Variants in LRP2 observed in about 807,000 individuals in gnomAD.
LRP2 encodes low-density lipoprotein receptor-related protein 2.
A neutral mutation model predicts 531.0 loss-of-function variants in LRP2; 172 were observed. The observed-to-expected ratio is 0.32, with a 90% confidence interval of 0.29 to 0.37. The LOEUF is 0.37. LRP2 is among the 10% of genes least tolerant of loss of function. The probability of loss-of-function intolerance (pLI) is 1.00; values close to 1 mark genes in which losing one functional copy is unlikely to be tolerated. For missense variants in LRP2, 5,167 were observed against 5,868.3 expected (o/e 0.88, Z 3.90); for synonymous variants, 1,992 against 2,027.6 (o/e 0.98, Z 0.47).
At chr2:169,286,727 G>A (rs1175551913) in intron 9 of LRP2, among the ~76,000 whole-genome samples, 1 of 152,166 alleles carries the variant, frequency 6.6e-6, no homozygotes, top group Non-Finnish European at 1.5e-5. Flanking sequence ...TCACAAGACT[G>A]AATTAGCGAT....
intron 51 of LRP2, among the ~76,000 whole-genome samples, chr2:169,181,875 T>C (rs2105295348): frequency 6.6e-6 from 1 of 152,074 alleles, no homozygotes; most frequent in South Asian, 2.1e-4. Flanking sequence ...ACTTCGAGAG[T>C]CCAGTAAAGA....
intron 45 of LRP2, 115 bp downstream of exon 45, chr2:169,198,671 G>T: frequency 1.6e-6 from 2 of 1,247,744 alleles, no homozygotes; most frequent in Non-Finnish European, 2.3e-6. Context: ...TACTTAGAAG[G>T]TCAATGTGAA....
At chr2:169,139,646 T>C (rs767559481) in intron 72 of LRP2, 36 bp from the exon 73 acceptor site, 16 of 1,587,736 alleles carry the variant, frequency 1.0e-5, no homozygotes, top group Middle Eastern at 1.7e-4. Flanking sequence ...CTAGCTGTTA[T>C]GTTCTTAGGC....
chr2:169,170,304 G>A (rs1319214177), intron 59 of LRP2, among the ~76,000 whole-genome samples: 1 of 152,146 alleles, frequency 6.6e-6, no homozygotes, highest in Non-Finnish European at 1.5e-5. Context: ...CTCCTAAGAA[G>A]TGTTGATATT....
chr2:169,260,066 C>T (rs2105413538), intron 16 of LRP2, among the ~76,000 whole-genome samples: 1 of 152,178 alleles, frequency 6.6e-6, no homozygotes, highest in Non-Finnish European at 1.5e-5. Context: ...ATTCATCCAT[C>T]CTCACAGCCA....
At chr2:169,299,086 GGAAAGAAAGAAAGAAA>G (rs767873350) in intron 4 of LRP2, among the ~76,000 whole-genome samples, 2,201 of 25,122 alleles carry the variant, frequency 0.088, 43 homozygotes, top group African/African-American at 0.095. Context: ...AAAGAAAGAA[GGAAAGAAAGAAAGAAA>G]GAAAGAAAGA....
In LRP2 at chr2:169,247,004, C is replaced by A. The variant is rs747149109; in HGVS notation, c.2909-18G>T. 12 of 1,613,156 alleles carry A rather than the reference C, an allele frequency of 7.4e-6. No homozygotes were observed. The highest frequency in any genetic ancestry group is 2.2e-5 in the South Asian group (2 of 91,008). The stretch of plus-strand genomic sequence containing the variant: ...GTTAGAACCTGCAAAAGCAAAGCCC[C>A]GAGGGAGTCAGTCATGTACATTTTC... On this transcript the variant is annotated intron_variant, in intron 20 of 78. Coordinates refer to ENST00000649046, the MANE Select transcript of LRP2 (RefSeq NM_004525.3).
Position 169,206,035 on chromosome 2 carries a change from T to A in LRP2, c.7544A>T (p.Asp2515Val), listed in dbSNP as rs1688372020. ...GATGATGGCATACCCTTGGCAGGGA[T>A]CTAACACAATTGCTCTTGGTTTTGG... Reference protein sequence around the residue: ...RVPKPRAIVLDPCQGYLYWAD... With the variant: ...RVPKPRAIVLVPCQGYLYWAD... The change falls in exon 40 of 79, where the codon GAT becomes GTT. Residue 2515 changes from aspartate (D) to valine (V), a missense_variant. Around this residue, in one of 6 missense-constraint regions of LRP2, gnomAD observed 1,129 missense variants for 1,362.7 expected, o/e 0.83. Coordinates refer to ENST00000649046, the MANE Select transcript of LRP2 (RefSeq NM_004525.3). The A allele has an allele frequency of 1.2e-6, 2 of 1,614,196 alleles. No individual in the cohort carries two copies. The highest frequency in any genetic ancestry group is 1.7e-6 in the Non-Finnish European group (2 of 1,180,034).
At chr2:169,294,306 T>C in intron 5 of LRP2, 45 bp from the exon 6 acceptor site, 1 of 1,129,316 alleles carries the variant, frequency 8.9e-7, no homozygotes, top group Non-Finnish European at 1.4e-6. Context: ...AGAAGTTAAC[T>C]CCATTGTAGC....
At chr2:169,184,257 A>C (rs1038344788) in intron 50 of LRP2, among the ~76,000 whole-genome samples, 1 of 152,222 alleles carries the variant, frequency 6.6e-6, no homozygotes, top group African/African-American at 2.4e-5. Context: ...ACTTTTTGAC[A>C]TGTAGGATAC....
chr2:169,311,516 G>C (rs1025451136), intron 3 of LRP2, among the ~76,000 whole-genome samples: 2 of 152,210 alleles, frequency 1.3e-5, no homozygotes, highest in African/African-American at 4.8e-5. Flanking sequence ...GGTTTTGAGT[G>C]AGTTTCTTAA....
At position 169,202,740 on chromosome 2, in the gene LRP2, C is replaced by T. The variant is rs1158882213; in HGVS notation, c.8209+16G>A. 5 of 1,613,936 alleles carry T rather than the reference C, an allele frequency of 3.1e-6. No homozygotes were observed. The highest frequency in any genetic ancestry group is 4.2e-6 in the Non-Finnish European group (5 of 1,179,808). Reference sequence around the variant, plus strand: ...TGCCATTAGCTCCTACCAAAAGCGCCAAGAGTCCAACTCACCACAGACACT... The same window carrying T: ...TGCCATTAGCTCCTACCAAAAGCGCTAAGAGTCCAACTCACCACAGACACT... On this transcript the variant is annotated intron_variant, in intron 43 of 78. Transcript: ENST00000649046.
At chr2:169,273,983 A>G (rs550017359) in intron 14 of LRP2, among the ~76,000 whole-genome samples, 1 of 152,170 alleles carries the variant, frequency 6.6e-6, no homozygotes, top group Non-Finnish European at 1.5e-5. Flanking sequence ...AGACAAGTTT[A>G]TACTTTCCCA....
chr2:169,145,714 T>A (rs1381708747), intron 70 of LRP2, 33 bp downstream of exon 70: 1 of 1,601,768 alleles, frequency 6.2e-7, no homozygotes, highest in Non-Finnish European at 8.6e-7. Flanking sequence ...TTCCAAGTAA[T>A]GAGGAGCATC....
chr2:169,319,036 C>T (rs1030235424), intron 2 of LRP2, 152 bp from the exon 3 acceptor site: 63 of 960,850 alleles, frequency 6.6e-5, no homozygotes, highest in African/African-American at 2.3e-4. Context: ...AGTCTGTGGA[C>T]GCCAGTCAGA....
intron 63 of LRP2, among the ~76,000 whole-genome samples, chr2:169,158,657 GA>G (rs201221357): frequency 1.4e-5 from 2 of 147,526 alleles, no homozygotes; most frequent in African/African-American, 2.5e-5. Context: ...ATAATAAATT[GA>G]AAAAAAGACT....
rs1036327702 is a variant in LRP2 at position 169,174,081 on chromosome 2, C to T, written c.10852G>A (p.Asp3618Asn). ...PESWQCDTFN[D>N]CEDNSDEDSS... Reference sequence around the variant, plus strand: ...TCTTCATCTGAGTTATCCTCACAGTCGTTAAATGTGTCACACTGCCAGGAT... The same window carrying T: ...TCTTCATCTGAGTTATCCTCACAGTTGTTAAATGTGTCACACTGCCAGGAT... The change falls in exon 56 of 79, where the codon GAC becomes AAC. Residue 3618 changes from aspartate to asparagine, a missense_variant. Physicochemically the swap from Asp to Asn is conservative, Grantham distance 23 (BLOSUM62 1). Coordinates refer to ENST00000649046, the MANE Select transcript of LRP2 (RefSeq NM_004525.3). 3.7e-6 allele frequency: 6 copies of T among 1,614,086 alleles called. No homozygotes were observed. Among genetic ancestry groups the T allele is most frequent in the Non-Finnish European group, 1.7e-6 (2 of 1,180,052 alleles).
Position 169,359,431 on chromosome 2 carries a change from T to C in LRP2, c.79+2890A>G, listed in dbSNP as rs78509014. On this transcript the variant is annotated intron_variant, in intron 1 of 78. Coordinates refer to ENST00000649046, the MANE Select transcript of LRP2 (RefSeq NM_004525.3). ...TATAATTTTTTTCAAAGACTAAACA[T>C]AGAATACTCAGAGCTCTTTTTTTTC... Among the ~76,000 whole-genome samples, 15 of 152,322 alleles carry C rather than the reference T, an allele frequency of 9.8e-5. No homozygotes were observed. The East Asian group carries it at 2.9e-3, about 29-fold the overall frequency.
intron 37 of LRP2, among the ~76,000 whole-genome samples, chr2:169,211,555 TA>T (rs2105340029): frequency 6.6e-6 from 1 of 152,350 alleles, no homozygotes; most frequent in African/African-American, 2.4e-5. Flanking sequence ...TCTCCATTAA[TA>T]ATCAGAAATA....
Sources: allele counts gnomAD v4.1 joint callset (sites outside exome capture counted in the v4.1 genomes callset), GRCh38; gene constraint gnomAD v4.1.1; regional missense constraint gnomAD v4.1.1; transcripts MANE v1.5; gene names NCBI Gene and HGNC (gene_info 2026-07-23, HGNC 2026-07-21).